WDFY2: variants seen among roughly 807,000 people sequenced by gnomAD.
The protein encoded by WDFY2 is WD repeat and FYVE domain containing 2, also known as WD repeat and FYVE domain-containing protein 2.
In WDFY2, 36 loss-of-function variants were observed where a neutral mutation model predicts 56.4. That is an observed-to-expected ratio of 0.64 (90% CI 0.49 to 0.84). WDFY2 has a LOEUF of 0.84. Ranked by LOEUF, WDFY2 falls within the 40% of genes least tolerant of loss-of-function variation. The pLI is 0.00. For synonymous variants in WDFY2, 176 were observed against 183.7 expected (o/e 0.96, Z 0.34); for missense variants, 444 against 512.2 (o/e 0.87, Z 1.29).
intron 1 of WDFY2, among the ~76,000 whole-genome samples, chr13:51,647,490 C>G (rs140801862): frequency 6.6e-6 from 1 of 152,206 alleles, no homozygotes; most frequent in Non-Finnish European, 1.5e-5. Flanking sequence ...TTCAGTGGCT[C>G]ATGCCTGTAA....
chr13:51,584,687 G>T lies in WDFY2; in HGVS notation c.-1G>T. 1 of 1,610,794 alleles carries T rather than the reference G, an allele frequency of 6.2e-7. No homozygotes were observed. Among genetic ancestry groups the T allele is most frequent in the Non-Finnish European group, 8.5e-7 (1 of 1,178,910 alleles). On this transcript the variant is annotated 5_prime_UTR_variant, in exon 1 of 12. Coordinates refer to ENST00000298125, the MANE Select transcript of WDFY2 (RefSeq NM_052950.4). ...GCGCCCCAGGCGCGCCCCCTCCTCC[G>T]ATGGCGGCGGAGATCCAGCCCAAGC...
At chr13:51,609,197 A>G (rs1406730496) in intron 1 of WDFY2, among the ~76,000 whole-genome samples, 3 of 152,254 alleles carry the variant, frequency 2.0e-5, no homozygotes, top group African/African-American at 7.2e-5. Flanking sequence ...ACACTCATAT[A>G]ATCACCATTC....
intron 1 of WDFY2, among the ~76,000 whole-genome samples, chr13:51,632,745 C>T (rs186248165): frequency 1.6e-3 from 241 of 152,250 alleles, no homozygotes; most frequent in African/African-American, 5.3e-3. Flanking sequence ...TTTAAATGTA[C>T]AAACTTGTCT....
intron 1 of WDFY2, among the ~76,000 whole-genome samples, chr13:51,635,302 C>T (rs573000198): frequency 6.6e-6 from 1 of 152,306 alleles, no homozygotes; most frequent in South Asian, 2.1e-4. Flanking sequence ...ACGTGATCAT[C>T]ATTTTTCATG....
At chr13:51,723,465 C>CT (rs1272059971) in intron 5 of WDFY2, among the ~76,000 whole-genome samples, 1 of 151,932 alleles carries the variant, frequency 6.6e-6, no homozygotes, top group Non-Finnish European at 1.5e-5. Context: ...GCCCCCTTCA[C>CT]TTTTTTTTAA....
chr13:51,597,983 C>T lies in WDFY2; in HGVS notation c.137+13159C>T, dbSNP rs187330413. Among the ~76,000 whole-genome samples, 267 of 152,280 alleles carry T rather than the reference C, an allele frequency of 1.8e-3. 9 individuals carry two copies. Among genetic ancestry groups the T allele is most frequent in the Admixed American group, 0.017 (261 of 15,298 alleles). ...TGTGAAAGGAAAACTGATAGGATTT[C>T]CACAAGGTCTAATATATATGCCCTG... On this transcript the variant is annotated intron_variant, in intron 1 of 11. Transcript: ENST00000298125.
At chr13:51,648,791 G>A (rs1045404013) in intron 1 of WDFY2, among the ~76,000 whole-genome samples, 16 of 152,126 alleles carry the variant, frequency 1.1e-4, no homozygotes, top group African/African-American at 3.6e-4. Context: ...ATATTTAAAA[G>A]TAATTTTAAC....
chr13:51,692,802 C>T (rs1229308838), intron 3 of WDFY2, among the ~76,000 whole-genome samples: 7 of 152,092 alleles, frequency 4.6e-5, no homozygotes, highest in African/African-American at 1.2e-4. Context: ...TGGTAGAATT[C>T]GGCTGTGAAT....
intron 1 of WDFY2, among the ~76,000 whole-genome samples, chr13:51,616,141 G>A (rs1245165841): frequency 6.6e-6 from 1 of 152,166 alleles, no homozygotes; most frequent in African/African-American, 2.4e-5. Flanking sequence ...GCGGACTGAG[G>A]TGGGGGGATT....
At chr13:51,609,614 C>T (rs1366674304) in intron 1 of WDFY2, among the ~76,000 whole-genome samples, 3 of 129,536 alleles carry the variant, frequency 2.3e-5, no homozygotes, top group South Asian at 3.0e-4. Flanking sequence ...CCCGCCCCCC[C>T]GCCCTCCCCA....
At chr13:51,607,182 C>T (rs1000305161) in intron 1 of WDFY2, among the ~76,000 whole-genome samples, 2 of 152,180 alleles carry the variant, frequency 1.3e-5, no homozygotes, top group African/African-American at 2.4e-5. Context: ...TTAAGTATCT[C>T]TGAAATCAGG....
chr13:51,749,779 T>A (rs960838059), intron 7 of WDFY2, among the ~76,000 whole-genome samples: 1 of 152,186 alleles, frequency 6.6e-6, no homozygotes, highest in African/African-American at 2.4e-5. Context: ...CCAATGATTA[T>A]TGATTAGCTC....
chr13:51,753,748 GGT>G (rs553968555), intron 8 of WDFY2, among the ~76,000 whole-genome samples: 23 of 151,110 alleles, frequency 1.5e-4, no homozygotes, highest in African/African-American at 3.4e-4. Flanking sequence ...CCTTATAAAA[GGT>G]GTGTGTGTGT....
At chr13:51,624,137 A>G (rs1435537874) in intron 1 of WDFY2, among the ~76,000 whole-genome samples, 5 of 152,202 alleles carry the variant, frequency 3.3e-5, no homozygotes, top group African/African-American at 7.2e-5. Context: ...CAAGGCATAC[A>G]CTTTTTCTTG....
At chr13:51,665,106 T>G (rs571789265) in intron 2 of WDFY2, among the ~76,000 whole-genome samples, 1 of 152,326 alleles carries the variant, frequency 6.6e-6, no homozygotes, top group African/African-American at 2.4e-5. Context: ...TCACAAAGTC[T>G]GCCTAAGGAA....
intron 1 of WDFY2, chr13:51,586,079 A>C: frequency 2.5e-6 from 1 of 398,626 alleles, no homozygotes; most frequent in Non-Finnish European, 4.4e-6. Context: ...TGCAATGAAC[A>C]GAAGAAATTC....
At chr13:51,750,290 G>A (rs539718927) in intron 7 of WDFY2, among the ~76,000 whole-genome samples, 11 of 152,222 alleles carry the variant, frequency 7.2e-5, no homozygotes, top group African/African-American at 2.6e-4. Context: ...AAAAGGTATC[G>A]TAATCCAATT....
intron 6 of WDFY2, among the ~76,000 whole-genome samples, chr13:51,737,175 C>T (rs1952855030): frequency 6.6e-6 from 1 of 152,092 alleles, no homozygotes; most frequent in African/African-American, 2.4e-5. Context: ...TGTGAGTAGT[C>T]GAACAGATGC....
intron 1 of WDFY2, among the ~76,000 whole-genome samples, chr13:51,623,843 T>G (rs1357455496): frequency 2.0e-5 from 3 of 151,968 alleles, no homozygotes; most frequent in African/African-American, 7.2e-5. Context: ...TTACAGAGTT[T>G]TTTTTTTTTT....
Sources: gnomAD v4.1 joint callset for allele counts (sites outside exome capture counted in the v4.1 genomes callset) on GRCh38, gnomAD v4.1.1 for gene constraint, MANE v1.5 for transcripts, NCBI Gene and HGNC (gene_info 2026-07-23, HGNC 2026-07-21) for gene names.